Variants in PIGX observed in about 807,000 individuals in gnomAD.
The protein encoded by PIGX is GPI alpha-1,4-mannosyltransferase I, stabilizing subunit.
In PIGX, 24 loss-of-function variants were observed where a neutral mutation model predicts 28.7. The ratio of observed to expected loss-of-function variants is 0.84; its 90% confidence interval spans 0.60 to 1.17. The LOEUF is 1.17. Among genes scored for constraint, PIGX ranks in the 50% most tolerant of loss-of-function variants. The pLI is 0.00. For synonymous variants in PIGX, 127 were observed against 121.0 expected (o/e 1.05, Z -0.33); for missense variants, 305 against 317.8 (o/e 0.96, Z 0.31).
intron 5 of PIGX, among the ~76,000 whole-genome samples, chr3:196,732,248 A>AT (rs1454074031): frequency 4.2e-5 from 1 of 23,976 alleles, no homozygotes; most frequent in African/African-American, 2.2e-4. Context: ...ATATATATAT[A>AT]TATATATATT....
At chr3:196,730,092 C>T (rs1468708392) in intron 4 of PIGX, among the ~76,000 whole-genome samples, 4 of 151,310 alleles carry the variant, frequency 2.6e-5, no homozygotes, top group Admixed American at 6.6e-5. Context: ...AAGTTAGTAG[C>T]ACTGTTACTA....
chr3:196,727,407 G>T (rs1328662580), intron 3 of PIGX, among the ~76,000 whole-genome samples: 1 of 151,958 alleles, frequency 6.6e-6, no homozygotes, highest in African/African-American at 2.4e-5. Context: ...TCCATTAACT[G>T]TTTATACCGT....
chr3:196,718,146 T>G (rs1712174851), intron 2 of PIGX, among the ~76,000 whole-genome samples: 1 of 152,200 alleles, frequency 6.6e-6, no homozygotes, highest in East Asian at 1.9e-4. Context: ...CCATCTCTAC[T>G]AAAAATACAA....
intron 1 of PIGX, 77 bp from the exon 2 acceptor site, chr3:196,716,781 T>C: frequency 1.5e-6 from 1 of 684,244 alleles, no homozygotes; most frequent in South Asian, 3.1e-5. Flanking sequence ...CCTACTAAAA[T>C]AACTCTTTTA....
intron 2 of PIGX, among the ~76,000 whole-genome samples, chr3:196,720,406 C>G (rs1712276731): frequency 6.6e-6 from 1 of 152,154 alleles, no homozygotes; most frequent in African/African-American, 2.4e-5. Flanking sequence ...GAGTAATATT[C>G]CATTGTATGT....
chr3:196,733,709 G>C lies in PIGX; in HGVS notation c.634-50G>C, dbSNP rs1712908976. 42 of 1,404,942 alleles carry C rather than the reference G, an allele frequency of 3.0e-5. No homozygotes were observed. Among genetic ancestry groups the C allele is most frequent in the Middle Eastern group, 3.5e-4 (2 of 5,668 alleles). 87.0% of individuals were successfully genotyped at this position (1,404,942 alleles called of 1,614,324 possible). On this transcript the variant is annotated intron_variant, in intron 5 of 5. Coordinates refer to ENST00000392391, the MANE Select transcript of PIGX (RefSeq NM_017861.4). This position sits in a 1 kb window ranked among gnomAD's most constrained non-coding sequence, Gnocchi z 4.3. ...ATTACAGGCATGAGCTACCACACCGGGCCCATGACATGCATTTTCAATGTC... is the reference window on the plus strand; with the variant it reads ...ATTACAGGCATGAGCTACCACACCGCGCCCATGACATGCATTTTCAATGTC...
chr3:196,732,270 TA>T (rs1439375444), intron 5 of PIGX, among the ~76,000 whole-genome samples: 11,782 of 64,176 alleles, frequency 0.18, 1,109 homozygotes, highest in East Asian at 0.22. Flanking sequence ...TATTTTATTT[TA>T]TTTTTTTTTT....
At chr3:196,713,990 A>C (rs900822326) in intron 1 of PIGX, among the ~76,000 whole-genome samples, 2 of 152,206 alleles carry the variant, frequency 1.3e-5, no homozygotes, top group African/African-American at 4.8e-5. Context: ...ATGACATTCT[A>C]GTATTTGCTG....
chr3:196,731,021 T>G lies in PIGX; in HGVS notation c.562T>G (p.Ser188Ala). 6.2e-7 allele frequency: 1 copy of G among 1,611,464 alleles called. No homozygotes were observed. The highest frequency in any genetic ancestry group is 1.1e-5 in the South Asian group (1 of 91,030). Residue 188 changes from serine (S) to alanine (A), a missense_variant, in exon 5 of 6, where the codon TCA becomes GCA. Transcript: ENST00000392391. ...CCCGATTTTGAAATGCTGGGCTCACTCAGAAGTGGCAGCCCCTTGTGCTTT... is the reference window on the plus strand; with the variant it reads ...CCCGATTTTGAAATGCTGGGCTCACGCAGAAGTGGCAGCCCCTTGTGCTTT...
At chr3:196,714,755 C>T (rs1350765383) in intron 1 of PIGX, among the ~76,000 whole-genome samples, 2 of 152,186 alleles carry the variant, frequency 1.3e-5, no homozygotes, top group East Asian at 1.9e-4. Context: ...TCACTGCACC[C>T]AGGCTATTTG....
At chr3:196,732,069 A>AC (rs1261249341) in intron 5 of PIGX, among the ~76,000 whole-genome samples, 7 of 148,392 alleles carry the variant, frequency 4.7e-5, no homozygotes, top group South Asian at 2.1e-4. Flanking sequence ...CAGGTGATCC[A>AC]CCCCCGTCAG....
chr3:196,732,311 T>C (rs1195642934), intron 5 of PIGX, among the ~76,000 whole-genome samples: 21 of 133,520 alleles, frequency 1.6e-4, no homozygotes, highest in African/African-American at 5.4e-4. Context: ...AGACGGAGTC[T>C]CGCTCTGTTG....
chr3:196,730,949 CA>C lies in PIGX; in HGVS notation c.533-40del, dbSNP rs752097257. 41 of 1,192,598 alleles carry C rather than the reference CA, an allele frequency of 3.4e-5. No homozygotes were observed. The South Asian group carries it at 4.8e-4, about 14-fold the overall frequency. The allele number at this position is 1,192,598 out of a possible 1,614,324, so 73.9% of individuals were successfully genotyped here. A position where few individuals can be genotyped will look rare whatever the true frequency, so the allele number is the denominator to read the frequency against. On this transcript the variant is annotated intron_variant, in intron 4 of 5. Coordinates refer to ENST00000392391, the MANE Select transcript of PIGX (RefSeq NM_017861.4). ...TTTAATACAAGCCTAGCTTTCAGTCCAAATACAGGTTTTCTGACATCATTTT... is the reference window on the plus strand; with the variant it reads ...TTTAATACAAGCCTAGCTTTCAGTCCAATACAGGTTTTCTGACATCATTTT...
rs773994171 is a variant in PIGX, at chr3:196,733,886, G to A, written c.761G>A (p.Gly254Asp). ...ATCCTTGTAGCAGTTTTCAAATATG[G>A]CCATTTTTCCCTATAAGTTTTATGT... The change falls in exon 6 of 6, where the codon GGC (glycine) becomes GAC (aspartate). Residue 254 changes from glycine (G) to aspartate (D), a missense_variant. Coordinates refer to ENST00000392391, the MANE Select transcript of PIGX (RefSeq NM_017861.4). The surrounding 1 kb of genome is among the most constrained non-coding windows in gnomAD (Gnocchi z 4.3). 2.6e-5 allele frequency: 41 copies of A among 1,601,862 alleles called. No individual in the cohort carries two copies. Among genetic ancestry groups the A allele is most frequent in the Non-Finnish European group, 3.5e-5 (41 of 1,169,348 alleles).
chr3:196,720,067 C>T (rs1375860866), intron 2 of PIGX, among the ~76,000 whole-genome samples: 2 of 152,236 alleles, frequency 1.3e-5, no homozygotes. Context: ...CGTGAGCCAC[C>T]GCGCCCGGCC....
chr3:196,722,299 T>C, intron 2 of PIGX, 116 bp from the exon 3 acceptor site: 2 of 707,376 alleles, frequency 2.8e-6, no homozygotes, highest in Non-Finnish European at 4.8e-6. Context: ...CCTTATAATC[T>C]ACTTTTGGAA....
At chr3:196,715,689 T>G (rs180881692) in intron 1 of PIGX, among the ~76,000 whole-genome samples, 115 of 152,346 alleles carry the variant, frequency 7.5e-4, no homozygotes, top group Non-Finnish European at 1.0e-3. Flanking sequence ...GTTTGGGGTT[T>G]GTTTGTTTGT....
rs781004182 is a variant in PIGX, at chr3:196,731,017, T to A, written c.558T>A (p.Ala186=). The change falls in exon 5 of 6, where the codon GCT becomes GCA. Residue 186 remains alanine, a synonymous_variant. Transcript: ENST00000392391. Reference sequence around the variant, plus strand: ...AGTTCCCGATTTTGAAATGCTGGGCTCACTCAGAAGTGGCAGCCCCTTGTG... The same window carrying A: ...AGTTCCCGATTTTGAAATGCTGGGCACACTCAGAAGTGGCAGCCCCTTGTG... The A allele has an allele frequency of 2.5e-6, 4 of 1,611,054 alleles. No homozygotes were observed. The South Asian group carries it at 4.4e-5, about 18-fold the overall frequency.
At chr3:196,721,764 T>C (rs910393638) in intron 2 of PIGX, among the ~76,000 whole-genome samples, 4 of 151,668 alleles carry the variant, frequency 2.6e-5, no homozygotes, top group Non-Finnish European at 4.4e-5. Context: ...TCTTTTTTCT[T>C]TTTTTTTAGA....
Sources: gnomAD v4.1 joint callset for allele counts (sites outside exome capture counted in the v4.1 genomes callset) on GRCh38, gnomAD v4.1.1 for gene constraint, Gnocchi (gnomAD v3.1) non-coding constraint, MANE v1.5 for transcripts, NCBI Gene and HGNC (gene_info 2026-07-23, HGNC 2026-07-21) for gene names.